The following MIPEP variants were observed in gnomAD, a reference collection of about 807,000 sequenced individuals.
The protein encoded by MIPEP is mitochondrial intermediate peptidase.
In MIPEP, 79 loss-of-function variants were observed where a neutral mutation model predicts 90.3. That is an observed-to-expected ratio of 0.87 (90% CI 0.73 to 1.05). The LOEUF (loss-of-function observed/expected upper bound fraction) is 1.05. Among genes scored for constraint, MIPEP ranks in the 50% least tolerant of loss-of-function variants. The pLI, the probability that MIPEP is intolerant of heterozygous loss-of-function variation, is 0.00. For missense variants in MIPEP, 940 were observed against 905.6 expected (o/e 1.04, Z -0.49); for synonymous variants, 334 against 315.8 (o/e 1.06, Z -0.61).
intron 4 of MIPEP, among the ~76,000 whole-genome samples, chr13:23,878,362 A>G (rs921489101): frequency 3.9e-5 from 6 of 152,234 alleles, no homozygotes; most frequent in Admixed American, 2.6e-4. Flanking sequence ...TCAAAGACTG[A>G]GTTACTCACA....
intron 18 of MIPEP, among the ~76,000 whole-genome samples, chr13:23,730,863 A>C (rs2138472213): frequency 6.6e-6 from 1 of 152,326 alleles, no homozygotes; most frequent in South Asian, 2.1e-4. Context: ...ATTAGATGTT[A>C]ATTCTTTTAT....
At chr13:23,813,819 T>C (rs1477886675) in intron 14 of MIPEP, among the ~76,000 whole-genome samples, 1 of 152,200 alleles carries the variant, frequency 6.6e-6, no homozygotes, top group East Asian at 1.9e-4. Flanking sequence ...AACCCACAGA[T>C]ACAGAAGGTT....
intron 10 of MIPEP, among the ~76,000 whole-genome samples, chr13:23,852,858 G>T (rs1437559661): frequency 6.6e-6 from 1 of 152,160 alleles, no homozygotes; most frequent in African/African-American, 2.4e-5. Flanking sequence ...ACAAGATGTG[G>T]AGGTGGAAGA....
chr13:23,844,407 C>T (rs1023187754), intron 10 of MIPEP, among the ~76,000 whole-genome samples: 3 of 152,128 alleles, frequency 2.0e-5, no homozygotes, highest in Admixed American at 2.0e-4. Context: ...AGCTGAAAAT[C>T]AAGAATCTTC....
At position 23,787,714 on chromosome 13, in the gene MIPEP, G is replaced by A. The variant is rs144828231; in HGVS notation, c.1848+18236C>T. On this transcript the variant is annotated intron_variant, in intron 16 of 18. Coordinates refer to ENST00000382172, the MANE Select transcript of MIPEP (RefSeq NM_005932.4). ...CGAAAAGTCTAGTTACCACCTCCAA[G>A]AATATCTCTTTTAGGATGCAGCTTT... 2.7e-4 allele frequency among the ~76,000 whole-genome samples: 41 copies of A among 152,282 alleles called. No individual in the cohort carries two copies. In the East Asian group the frequency reaches 6.2e-3, roughly 23 times the overall value.
At chr13:23,869,127 T>A (rs1442906253) in intron 7 of MIPEP, among the ~76,000 whole-genome samples, 165 bp downstream of exon 7, 1 of 152,246 alleles carries the variant, frequency 6.6e-6, no homozygotes, top group Non-Finnish European at 1.5e-5. Flanking sequence ...TGCCAAATTA[T>A]TAGCTCTATT....
Position 23,755,955 on chromosome 13 carries a change from TA to T in MIPEP, c.2044+589del, listed in dbSNP as rs990644331. Among the ~76,000 whole-genome samples the T allele has an allele frequency of 2.3e-4, 35 of 152,224 alleles. 1 individual carries two copies. The highest frequency in any genetic ancestry group is 7.7e-4 in the African/African-American group (32 of 41,558). ...AAAAACACTGTGACCTGTTAAAATC[TA>T]AAGGAAAATTTTCTAAGAGTTTATG... On this transcript the variant is annotated intron_variant, in intron 18 of 18. Coordinates refer to ENST00000382172, the MANE Select transcript of MIPEP (RefSeq NM_005932.4).
intron 18 of MIPEP, among the ~76,000 whole-genome samples, chr13:23,735,498 T>C (rs1952252476): frequency 1.3e-5 from 2 of 152,232 alleles, no homozygotes; most frequent in African/African-American, 2.4e-5. Context: ...ATCCTGTTCT[T>C]TGAAGTGGTT....
chr13:23,871,788 CT>C (rs1870818453), intron 5 of MIPEP, among the ~76,000 whole-genome samples: 1 of 147,988 alleles, frequency 6.8e-6, no homozygotes, highest in Admixed American at 6.7e-5. Flanking sequence ...CCAGATTTCT[CT>C]TTGCTTATTT....
intron 18 of MIPEP, among the ~76,000 whole-genome samples, chr13:23,748,249 A>C (rs1224013809): frequency 6.6e-6 from 1 of 152,210 alleles, no homozygotes; most frequent in African/African-American, 2.4e-5. Context: ...TGCTCTTTTA[A>C]GTCTATTTTG....
At chr13:23,747,468 G>T in intron 18 of MIPEP, 1 of 469,288 alleles carries the variant, frequency 2.1e-6, no homozygotes. Flanking sequence ...GTCAGTACTC[G>T]TCCAGTGGGC....
At chr13:23,818,355 G>A (rs1953266583) in intron 14 of MIPEP, among the ~76,000 whole-genome samples, 1 of 152,188 alleles carries the variant, frequency 6.6e-6, no homozygotes, top group South Asian at 2.1e-4. Flanking sequence ...GAATGCGGGA[G>A]GTAGAGGATG....
At position 23,886,419 on chromosome 13, in the gene MIPEP, C is replaced by T; in HGVS notation, c.277G>A (p.Asp93Asn). 6.2e-7 allele frequency: 1 copy of T among 1,608,950 alleles called. No individual in the cohort carries two copies. Among genetic ancestry groups the T allele is most frequent in the Non-Finnish European group, 8.5e-7 (1 of 1,177,278 alleles). The change falls in exon 2 of 19, where the codon GAC becomes AAC. Residue 93 changes from aspartate to asparagine, a missense_variant. Physicochemically the swap from Asp to Asn is conservative, Grantham distance 23. Coordinates refer to ENST00000382172, the MANE Select transcript of MIPEP (RefSeq NM_005932.4). ...CCAGGTGGGGTGGAACATGCACGGT[C>T]CACAAGCAATTCTGTCTTTCTCAAG... ...KALRKTELLVDRACSTPPGPQ... is the reference protein window; with the variant it reads ...KALRKTELLVNRACSTPPGPQ...
intron 16 of MIPEP, among the ~76,000 whole-genome samples, chr13:23,788,400 G>A (rs570450095): frequency 2.6e-5 from 4 of 152,260 alleles, no homozygotes; most frequent in Admixed American, 6.5e-5. Flanking sequence ...GGCCCGTCTC[G>A]CACTATCAGT....
At chr13:23,787,215 T>C (rs1383672663) in intron 16 of MIPEP, among the ~76,000 whole-genome samples, 1 of 152,156 alleles carries the variant, frequency 6.6e-6, no homozygotes, top group Non-Finnish European at 1.5e-5. Flanking sequence ...CAAAATACCA[T>C]AGACTGGGTG....
At chr13:23,803,626 T>C (rs1000040583) in intron 16 of MIPEP, among the ~76,000 whole-genome samples, 1 of 152,192 alleles carries the variant, frequency 6.6e-6, no homozygotes, top group African/African-American at 2.4e-5. Context: ...TTGCTGAGTC[T>C]GCCGTTGGGC....
At position 23,877,103 on chromosome 13, in the gene MIPEP, G is replaced by T. The variant is rs114992811; in HGVS notation, c.539+2165C>A. ...GCATTTTTATATGTTCTACTATCTG[G>T]TATAAGTCCCTTTTTAGTACTTTTC... On this transcript the variant is annotated intron_variant, in intron 4 of 18. Coordinates refer to ENST00000382172, the MANE Select transcript of MIPEP (RefSeq NM_005932.4). Among the ~76,000 whole-genome samples the T allele has an allele frequency of 5.3e-3, 808 of 152,078 alleles. 5 individuals are homozygous for T. The highest frequency in any genetic ancestry group is 0.018 in the African/African-American group (742 of 41,470).
chr13:23,869,390 A>G lies in MIPEP; in HGVS notation c.845T>C (p.Leu282Ser), dbSNP rs992619528. 7 of 1,613,122 alleles carry G rather than the reference A, an allele frequency of 4.3e-6. No individual in the cohort carries two copies. The East Asian group carries it at 1.1e-4, about 26-fold the overall frequency. Residue 282 changes from leucine (L) to serine (S), a missense_variant, in exon 7 of 19, where the codon TTA becomes TCA. Leu to Ser is a moderately radical substitution (Grantham distance 145, BLOSUM62 -2). Coordinates refer to ENST00000382172, the MANE Select transcript of MIPEP (RefSeq NM_005932.4). ...ATCTCTGCTGCTGAGCAATTCTTCT[A>G]AACATTTCAATTGACCAGCATTGGG... ...LYPNAGQLKCLEELLSSRDLL... is the reference protein window; with the variant it reads ...LYPNAGQLKCSEELLSSRDLL...
chr13:23,780,865 T>C (rs1952774478), intron 16 of MIPEP, among the ~76,000 whole-genome samples: 1 of 151,536 alleles, frequency 6.6e-6, no homozygotes, highest in Non-Finnish European at 1.5e-5. Context: ...TGATTAAAGA[T>C]CAAATGAATG....
Sources: allele counts gnomAD v4.1 joint callset (sites outside exome capture counted in the v4.1 genomes callset), GRCh38; gene constraint gnomAD v4.1.1; transcripts MANE v1.5; gene names NCBI Gene and HGNC (gene_info 2026-07-23, HGNC 2026-07-21).